Variants in PLPP7 observed in about 807,000 individuals in gnomAD.
PLPP7 encodes the protein inactive phospholipid phosphatase 7.
A neutral mutation model predicts 16.9 loss-of-function variants in PLPP7; 11 were observed. The observed-to-expected ratio is 0.65, with a 90% CI of 0.41 to 1.08. The LOEUF (loss-of-function observed/expected upper bound fraction) is 1.08. Among genes scored for constraint, PLPP7 ranks in the 50% least tolerant of loss-of-function variants. PLPP7 has a pLI of 0.00. For synonymous variants in PLPP7, 174 were observed against 175.1 expected (o/e 0.99, Z 0.05); for missense variants, 358 against 397.1 (o/e 0.90, Z 0.84).
chr9:131,305,976 G>A (rs556214064), intron 1 of PLPP7, among the ~76,000 whole-genome samples: 60 of 152,114 alleles, frequency 3.9e-4, no homozygotes, highest in Non-Finnish European at 7.6e-4. Flanking sequence ...GGTGGCTCAC[G>A]CCTGTAATCC....
intron 1 of PLPP7, chr9:131,292,951 G>A: frequency 1.0e-6 from 1 of 985,312 alleles, no homozygotes; most frequent in Non-Finnish European, 1.2e-6. Context: ...CTTCCTCCTT[G>A]AACAGAAGTG....
At chr9:131,292,492 G>T (rs1379254890) in intron 1 of PLPP7, among the ~76,000 whole-genome samples, 1 of 152,184 alleles carries the variant, frequency 6.6e-6, no homozygotes, top group Non-Finnish European at 1.5e-5. Flanking sequence ...GGAAATTGAG[G>T]CATGGGGTGA....
intron 1 of PLPP7, among the ~76,000 whole-genome samples, chr9:131,301,848 G>A (rs1260612858): frequency 1.7e-4 from 22 of 130,096 alleles, no homozygotes; most frequent in African/African-American, 4.4e-4. Context: ...ACGGAGTCTC[G>A]CCCTGTCGCC....
rs745862432 is a variant in PLPP7, at chr9:131,290,456, T to TGCCTGCC, written c.451+12_451+18dup. On this transcript the variant is annotated intron_variant, in intron 1 of 1. Coordinates refer to ENST00000372264, the MANE Select transcript of PLPP7 (RefSeq NM_032728.4). The surrounding 1 kb of genome is among the most constrained non-coding windows in gnomAD (Gnocchi z 4.2). ...TCATGAATCTGCTCCTGGGTGAGTGTGCCTGCCGCCCGCCACTCACTGTCA... is the reference window on the plus strand; with the variant it reads ...TCATGAATCTGCTCCTGGGTGAGTGTGCCTGCCGCCTGCCGCCCGCCACTCACTGTCA... 2 of 1,486,756 alleles carry TGCCTGCC rather than the reference T, an allele frequency of 1.3e-6. No individual in the cohort carries two copies. Among genetic ancestry groups the TGCCTGCC allele is most frequent in the Admixed American group, 4.2e-5 (2 of 47,546 alleles). The allele number at this position is 1,486,756 out of a possible 1,614,324, so 92.1% of individuals were successfully genotyped here.
At chr9:131,307,015 C>T (rs546994555) in intron 1 of PLPP7, among the ~76,000 whole-genome samples, 106 of 152,086 alleles carry the variant, frequency 7.0e-4, no homozygotes, top group Non-Finnish European at 1.3e-3. Context: ...GAGGCTGAGG[C>T]GGGCAGGTCA....
chr9:131,299,695 T>G (rs1835774845), intron 1 of PLPP7, among the ~76,000 whole-genome samples: 1 of 152,134 alleles, frequency 6.6e-6, no homozygotes, highest in Non-Finnish European at 1.5e-5. Context: ...CCGTCACACC[T>G]GTGATAGAGT....
At chr9:131,301,762 C>A (rs1400115781) in intron 1 of PLPP7, among the ~76,000 whole-genome samples, 1 of 152,050 alleles carries the variant, frequency 6.6e-6, no homozygotes, top group East Asian at 1.9e-4. Context: ...CCTGGGACCA[C>A]CCTTGCTATG....
At chr9:131,305,945 T>TAA (rs751943577) in intron 1 of PLPP7, among the ~76,000 whole-genome samples, 12 of 147,956 alleles carry the variant, frequency 8.1e-5, no homozygotes, top group African/African-American at 1.2e-4. Context: ...ATCCGTCTCT[T>TAA]AAAAAAAAAA....
At chr9:131,294,176 A>T (rs1047161082) in intron 1 of PLPP7, among the ~76,000 whole-genome samples, 1 of 152,146 alleles carries the variant, frequency 6.6e-6, no homozygotes, top group Admixed American at 6.5e-5. Context: ...TCTTAGCAGC[A>T]GGCAAAAGTT....
intron 1 of PLPP7, among the ~76,000 whole-genome samples, chr9:131,298,894 G>C (rs1215505420): frequency 6.6e-6 from 1 of 152,204 alleles, no homozygotes; most frequent in Non-Finnish European, 1.5e-5. Context: ...CAGGGCCCCG[G>C]GGACAGCTGT....
chr9:131,307,582 A>T, intron 1 of PLPP7, among the ~76,000 whole-genome samples: 1 of 150,044 alleles, frequency 6.7e-6, no homozygotes, highest in Admixed American at 6.7e-5. Flanking sequence ...AAAAAAAAAA[A>T]AACCCAAAGA....
Position 131,308,015 on chromosome 9 carries a change from C to T in PLPP7, c.544C>T (p.Leu182Phe). 1.9e-6 allele frequency: 3 copies of T among 1,601,044 alleles called. No individual in the cohort carries two copies. Among genetic ancestry groups the T allele is most frequent in the South Asian group, 2.2e-5 (2 of 91,074 alleles). Residue 182 changes from leucine to phenylalanine, a missense_variant, in exon 2 of 2, where the codon CTC becomes TTC. Physicochemically the swap from Leu to Phe is conservative, Grantham distance 22 (BLOSUM62 0). Coordinates refer to ENST00000372264, the MANE Select transcript of PLPP7 (RefSeq NM_032728.4). Reference sequence around the variant, plus strand: ...GACGAGCCCCAGCCTCCTGGACTACCTCACCATGGACATCTACGCCTTCCC... The same window carrying T: ...GACGAGCCCCAGCCTCCTGGACTACTTCACCATGGACATCTACGCCTTCCC... ...YETSPSLLDY[L>F]TMDIYAFPAG...
At chr9:131,304,281 C>A (rs1835829443) in intron 1 of PLPP7, among the ~76,000 whole-genome samples, 1 of 152,216 alleles carries the variant, frequency 6.6e-6, no homozygotes, top group Admixed American at 6.5e-5. Flanking sequence ...CCCAAGGCCA[C>A]ACAGCAGGGT....
intron 1 of PLPP7, among the ~76,000 whole-genome samples, chr9:131,298,956 C>T (rs1015580337): frequency 1.3e-5 from 2 of 152,262 alleles, no homozygotes; most frequent in Admixed American, 6.5e-5. Flanking sequence ...GTGCAAAGAG[C>T]GGAAAGTGGA....
Position 131,295,873 on chromosome 9 carries a change from A to G in PLPP7, c.451+5425A>G, listed in dbSNP as rs1478976500. 6.6e-6 allele frequency among the ~76,000 whole-genome samples: 1 copy of G among 152,110 alleles called. No individual in the cohort carries two copies. The highest frequency in any genetic ancestry group is 2.4e-5 in the African/African-American group (1 of 41,410). On this transcript the variant is annotated intron_variant, in intron 1 of 1. Coordinates refer to ENST00000372264, the MANE Select transcript of PLPP7 (RefSeq NM_032728.4). This position sits in a 1 kb window ranked among gnomAD's most constrained non-coding sequence, Gnocchi z 4.0. ...AGGCTGAATAATGCTCAGTTACAGG[A>G]TGGACCACATTTCGTGTATCCATTC...
intron 1 of PLPP7, chr9:131,291,285 C>A: frequency 7.9e-7 from 1 of 1,258,262 alleles, no homozygotes; most frequent in South Asian, 1.3e-5. Context: ...ATTTCCTTGT[C>A]TTTCCCGGTG....
At chr9:131,299,943 A>AC (rs796427132) in intron 1 of PLPP7, among the ~76,000 whole-genome samples, 4 of 151,926 alleles carry the variant, frequency 2.6e-5, no homozygotes, top group Non-Finnish European at 4.4e-5. Flanking sequence ...GGGGGCAGAT[A>AC]CCCCCCGTCA....
Position 131,308,410 on chromosome 9 carries a change from C to T in PLPP7, c.*123C>T. The T allele has an allele frequency of 7.1e-7, 1 of 1,402,346 alleles. No individual in the cohort carries two copies. The highest frequency in any genetic ancestry group is 9.4e-7 in the Non-Finnish European group (1 of 1,068,474). The allele number at this position is 1,402,346 out of a possible 1,614,324, so 86.9% of individuals were successfully genotyped here. ...CAGGAGTCAGAGCGGCCACCCCCAC[C>T]TCATCTTCCCCTCCTGGCTGGAGGC... is the stretch of plus-strand genomic sequence containing the variant. On this transcript the variant is annotated 3_prime_UTR_variant, in exon 2 of 2. Coordinates refer to ENST00000372264, the MANE Select transcript of PLPP7 (RefSeq NM_032728.4).
chr9:131,305,781 A>C (rs1835845780), intron 1 of PLPP7, among the ~76,000 whole-genome samples: 1 of 152,086 alleles, frequency 6.6e-6, no homozygotes, highest in Admixed American at 6.5e-5. Flanking sequence ...GGCGTATGCC[A>C]TCACACATGT....
Sources: allele counts gnomAD v4.1 joint callset (sites outside exome capture counted in the v4.1 genomes callset), GRCh38; gene constraint gnomAD v4.1.1; non-coding constraint Gnocchi (gnomAD v3.1); transcripts MANE v1.5; gene names NCBI Gene and HGNC (gene_info 2026-07-23, HGNC 2026-07-21).